CAMKMT: variants seen among roughly 807,000 people sequenced by gnomAD.
The protein encoded by CAMKMT is calmodulin-lysine N-methyltransferase.
A neutral mutation model predicts 48.0 loss-of-function variants in CAMKMT; 53 were observed. That is an observed-to-expected ratio of 1.10 (90% confidence interval 0.89 to 1.39). CAMKMT has a LOEUF of 1.39. CAMKMT is among the 40% of genes most tolerant of loss of function. The pLI, the probability that CAMKMT is intolerant of heterozygous loss-of-function variation, is 0.00. For synonymous variants in CAMKMT, 165 were observed against 152.3 expected (o/e 1.08, Z -0.61); for missense variants, 428 against 402.7 (o/e 1.06, Z -0.54).
At chr2:44,559,448 C>A (rs1327733570) in intron 3 of CAMKMT, among the ~76,000 whole-genome samples, 1 of 152,206 alleles carries the variant, frequency 6.6e-6, no homozygotes, top group Non-Finnish European at 1.5e-5. Flanking sequence ...TCTAGAGCAC[C>A]ACCTTATTTT....
At chr2:44,429,388 T>C (rs1684497763) in intron 3 of CAMKMT, among the ~76,000 whole-genome samples, 1 of 152,152 alleles carries the variant, frequency 6.6e-6, no homozygotes, top group Non-Finnish European at 1.5e-5. Flanking sequence ...TACTACTGTT[T>C]CGGTTTGTTC....
chr2:44,370,247 C>CTTGCATTAA (rs1258990375), intron 1 of CAMKMT, among the ~76,000 whole-genome samples: 1 of 152,174 alleles, frequency 6.6e-6, no homozygotes, highest in Non-Finnish European at 1.5e-5. Flanking sequence ...TGTGGTAAGA[C>CTTGCATTAA]TTGCATTAAT....
rs1672020008 is a variant in CAMKMT, at chr2:44,618,665, T to C, written c.377-85618T>C. ...ACTTAATAGTCTTTCTTGAGTGGATTTGAGCACTTTGGCTGTGTGTTTATG... is the reference window on the plus strand; with the variant it reads ...ACTTAATAGTCTTTCTTGAGTGGATCTGAGCACTTTGGCTGTGTGTTTATG... On this transcript the variant is annotated intron_variant, in intron 3 of 10. Transcript: ENST00000378494. The surrounding 1 kb of genome is among the most constrained non-coding windows in gnomAD (Gnocchi z 4.0). Among the ~76,000 whole-genome samples, 1 of 152,204 alleles carries C rather than the reference T, an allele frequency of 6.6e-6. No individual in the cohort carries two copies.
At chr2:44,387,993 G>C (rs560171389) in intron 2 of CAMKMT, among the ~76,000 whole-genome samples, 21 of 152,186 alleles carry the variant, frequency 1.4e-4, no homozygotes, top group African/African-American at 5.1e-4. Context: ...TTTGATAATC[G>C]ATGGCAGTGT....
At chr2:44,593,547 C>T (rs1445372958) in intron 3 of CAMKMT, among the ~76,000 whole-genome samples, 1 of 152,160 alleles carries the variant, frequency 6.6e-6, no homozygotes, top group Non-Finnish European at 1.5e-5. Flanking sequence ...CTCTCTTAAA[C>T]TTGAGATAAT....
chr2:44,640,960 G>C (rs1673419053), intron 3 of CAMKMT, among the ~76,000 whole-genome samples: 1 of 152,166 alleles, frequency 6.6e-6, no homozygotes, highest in African/African-American at 2.4e-5. Context: ...CTGACATAGA[G>C]TGACCAAGGC....
intron 3 of CAMKMT, among the ~76,000 whole-genome samples, chr2:44,682,007 C>T (rs1039448884): frequency 1.3e-5 from 2 of 152,166 alleles, no homozygotes; most frequent in African/African-American, 4.8e-5. Context: ...GATAAGTCTG[C>T]CCTTTTTTCT....
intron 3 of CAMKMT, among the ~76,000 whole-genome samples, chr2:44,610,492 T>G (rs1406094247): frequency 6.6e-6 from 1 of 152,328 alleles, no homozygotes; most frequent in East Asian, 1.9e-4. Flanking sequence ...TTCCTCCATA[T>G]TTGTGATTCA....
At chr2:44,761,911 C>T (rs1168294338) in intron 9 of CAMKMT, among the ~76,000 whole-genome samples, 1 of 152,106 alleles carries the variant, frequency 6.6e-6, no homozygotes, top group Non-Finnish European at 1.5e-5. Context: ...TACCCACATG[C>T]AGAGATGTAG....
At chr2:44,529,713 T>C (rs1401078861) in intron 3 of CAMKMT, among the ~76,000 whole-genome samples, 1 of 152,196 alleles carries the variant, frequency 6.6e-6, no homozygotes, top group African/African-American at 2.4e-5. Context: ...TTGTCAGATT[T>C]ACCTGCATTT....
intron 3 of CAMKMT, among the ~76,000 whole-genome samples, chr2:44,482,369 A>G (rs995036209): frequency 2.0e-5 from 3 of 152,136 alleles, no homozygotes; most frequent in Admixed American, 2.0e-4. Context: ...TTACTTCCAA[A>G]AATTCTTCAG....
chr2:44,507,501 A>G (rs1021576388), intron 3 of CAMKMT, among the ~76,000 whole-genome samples: 1 of 152,142 alleles, frequency 6.6e-6, no homozygotes, highest in African/African-American at 2.4e-5. Context: ...ACCATGTAGT[A>G]TGCCTTTTTT....
chr2:44,526,586 G>C (rs1671414906), intron 3 of CAMKMT, among the ~76,000 whole-genome samples: 1 of 152,184 alleles, frequency 6.6e-6, no homozygotes, highest in South Asian at 2.1e-4. Flanking sequence ...TGGGAGTCCT[G>C]TTTGAGGGCA....
intron 3 of CAMKMT, among the ~76,000 whole-genome samples, chr2:44,521,670 C>T (rs190737490): frequency 6.8e-4 from 104 of 152,326 alleles, no homozygotes; most frequent in African/African-American, 2.4e-3. Flanking sequence ...CAGAGCCACT[C>T]AGTTTGAATG....
intron 3 of CAMKMT, among the ~76,000 whole-genome samples, chr2:44,583,199 A>C (rs1669661761): frequency 6.6e-6 from 1 of 152,198 alleles, no homozygotes; most frequent in South Asian, 2.1e-4. Context: ...TATTCATTCA[A>C]CAAGTATCTA....
Position 44,772,340 on chromosome 2 carries a change from C to CTTTG in CAMKMT, c.*233_*236dup, listed in dbSNP as rs1378541512. The CTTTG allele has an allele frequency of 4.7e-6, 2 of 427,012 alleles. No individual in the cohort carries two copies. Among genetic ancestry groups the CTTTG allele is most frequent in the Non-Finnish European group, 8.3e-6 (2 of 239,966 alleles). The allele number at this position is 427,012 out of a possible 1,614,324, so 26.5% of individuals were successfully genotyped here. ...GCTTGTTGCTCGTCCTGCCCTAAAC[C>CTTTG]TTTGTTTGTCTTTAAATGTGTATAA... On this transcript the variant is annotated 3_prime_UTR_variant, in exon 11 of 11. Coordinates refer to ENST00000378494, the MANE Select transcript of CAMKMT (RefSeq NM_024766.5).
At chr2:44,491,288 GGCAATGAAGT>G (rs1669492627) in intron 3 of CAMKMT, among the ~76,000 whole-genome samples, 1 of 152,006 alleles carries the variant, frequency 6.6e-6, no homozygotes, top group Non-Finnish European at 1.5e-5. Context: ...TCCATTCTAG[GGCAATGAAGT>G]GAGTTAGATA....
intron 3 of CAMKMT, among the ~76,000 whole-genome samples, chr2:44,441,142 C>A (rs1437091784): frequency 6.6e-6 from 1 of 152,148 alleles, no homozygotes; most frequent in Non-Finnish European, 1.5e-5. Context: ...TGTTAAATAT[C>A]AAAACACTTT....
At chr2:44,660,866 CCCACACCTGGCCA>C (rs1674642429) in intron 3 of CAMKMT, among the ~76,000 whole-genome samples, 1 of 152,108 alleles carries the variant, frequency 6.6e-6, no homozygotes, top group Non-Finnish European at 1.5e-5. Flanking sequence ...ATCTTGGCCT[CCCACACCTGGCCA>C]CCACACCTGG....
Sources: gnomAD v4.1 joint callset for allele counts (sites outside exome capture counted in the v4.1 genomes callset) on GRCh38, gnomAD v4.1.1 for gene constraint, Gnocchi (gnomAD v3.1) non-coding constraint, MANE v1.5 for transcripts, NCBI Gene and HGNC (gene_info 2026-07-23, HGNC 2026-07-21) for gene names.